The following ZNF385D variants were observed in gnomAD, a reference collection of about 807,000 sequenced individuals.
The protein encoded by ZNF385D is zinc finger protein 385D.
In ZNF385D, 15 loss-of-function variants were observed where a neutral mutation model predicts 35.8. That is an observed-to-expected ratio of 0.42 (90% CI 0.28 to 0.64). ZNF385D has a LOEUF of 0.64. ZNF385D is among the 30% of genes least tolerant of loss of function. The pLI is 0.23. For missense variants in ZNF385D, 474 were observed against 494.6 expected (o/e 0.96, Z 0.39); for synonymous variants, 212 against 186.8 (o/e 1.13, Z -1.10).
chr3:22,130,053 G>A (rs1559392077), intron 3 of ZNF385D, among the ~76,000 whole-genome samples: 1 of 152,110 alleles, frequency 6.6e-6, no homozygotes, highest in Non-Finnish European at 1.5e-5. Flanking sequence ...CCAGAACTGG[G>A]TCCTTCTCTT....
intron 3 of ZNF385D, among the ~76,000 whole-genome samples, chr3:21,793,546 C>T (rs970585306): frequency 5.9e-5 from 9 of 152,146 alleles, no homozygotes; most frequent in Non-Finnish European, 1.2e-4. Context: ...AGGAGCATTT[C>T]CATAGAAAGT....
intron 4 of ZNF385D, among the ~76,000 whole-genome samples, chr3:21,500,894 T>G (rs1032782933): frequency 2.6e-5 from 4 of 152,182 alleles, no homozygotes; most frequent in Admixed American, 2.6e-4. Flanking sequence ...GATATACAAA[T>G]GCAGGCAATT....
At chr3:22,079,584 CTTT>C (rs1341321012) in intron 3 of ZNF385D, among the ~76,000 whole-genome samples, 4 of 151,790 alleles carry the variant, frequency 2.6e-5, no homozygotes, top group African/African-American at 9.7e-5. Context: ...CAGGTCAGAG[CTTT>C]TTTATTATTG....
intron 1 of ZNF385D, among the ~76,000 whole-genome samples, chr3:21,729,570 G>C (rs1465322608): frequency 6.6e-6 from 1 of 152,068 alleles, no homozygotes; most frequent in Admixed American, 6.6e-5. Context: ...ATAAGGTTTG[G>C]GCTCACCCAG....
At chr3:21,831,970 A>T (rs1393625774) in intron 3 of ZNF385D, among the ~76,000 whole-genome samples, 1 of 152,190 alleles carries the variant, frequency 6.6e-6, no homozygotes, top group African/African-American at 2.4e-5. Context: ...AAATATAAAC[A>T]TTTGACATTA....
chr3:21,993,396 G>C (rs904245), intron 3 of ZNF385D, among the ~76,000 whole-genome samples: 149,121 of 152,242 alleles, frequency 0.98, 73,045 homozygotes, highest in East Asian at 1. Context: ...ATTATTGATT[G>C]TCTCTCTCTG....
chr3:21,801,707 C>T (rs74812288), intron 3 of ZNF385D, among the ~76,000 whole-genome samples: 2,903 of 152,216 alleles, frequency 0.019, 89 homozygotes, highest in African/African-American at 0.065. Flanking sequence ...ACTACTGCAG[C>T]CCCTGGGTGC....
intron 2 of ZNF385D, among the ~76,000 whole-genome samples, chr3:22,323,617 T>C (rs921611001): frequency 4.6e-5 from 7 of 152,176 alleles, no homozygotes; most frequent in African/African-American, 1.7e-4. Context: ...CTACACATTG[T>C]TTTATTCTTA....
At chr3:21,813,014 G>C (rs1265060332) in intron 3 of ZNF385D, among the ~76,000 whole-genome samples, 1 of 152,190 alleles carries the variant, frequency 6.6e-6, no homozygotes, top group Admixed American at 6.5e-5. Context: ...GAAGCATCAG[G>C]CAGCAACATT....
chr3:21,876,127 T>C (rs1697951257), intron 3 of ZNF385D, among the ~76,000 whole-genome samples: 1 of 152,076 alleles, frequency 6.6e-6, no homozygotes, highest in Non-Finnish European at 1.5e-5. Flanking sequence ...ATATCAGGAA[T>C]GATATTGTTT....
intron 3 of ZNF385D, among the ~76,000 whole-genome samples, chr3:22,057,530 GAC>G (rs1213452516): frequency 6.4e-5 from 9 of 140,552 alleles, no homozygotes; most frequent in African/African-American, 1.8e-4. Flanking sequence ...TTTTTTTTGA[GAC>G]AGAGTCTCAC....
intron 2 of ZNF385D, among the ~76,000 whole-genome samples, chr3:22,267,113 A>G (rs1011167555): frequency 4.6e-5 from 7 of 151,938 alleles, no homozygotes; most frequent in Admixed American, 2.0e-4. Flanking sequence ...TACGTCATGA[A>G]CTAAGCTAAC....
chr3:21,874,964 A>G (rs1389403724), intron 3 of ZNF385D, among the ~76,000 whole-genome samples: 3 of 149,468 alleles, frequency 2.0e-5, no homozygotes, highest in Non-Finnish European at 4.5e-5. Flanking sequence ...AAGTTTATTC[A>G]TAAGTATTTT....
rs1029563152 is a variant in ZNF385D at position 21,820,728 on chromosome 3, A to G, written c.326-155700T>C. 4.6e-5 allele frequency among the ~76,000 whole-genome samples: 7 copies of G among 151,880 alleles called. 2 individuals carry two copies. In the South Asian group the frequency reaches 1.2e-3, roughly 27 times the overall value. On this transcript the variant is annotated intron_variant, in intron 3 of 5. Coordinates refer to the ZNF385D transcript ENST00000494108. ...TATAAATAAGTAATTTCAGGAATGA[A>G]TAAAAAAGGGATATAATTATAGCTT...
intron 1 of ZNF385D, among the ~76,000 whole-genome samples, chr3:21,727,596 C>A (rs1422599918): frequency 6.6e-6 from 1 of 152,112 alleles, no homozygotes; most frequent in Non-Finnish European, 1.5e-5. Context: ...TAGAGAAATG[C>A]AAATCAAAAC....
At chr3:22,153,498 C>T (rs1038699159) in intron 3 of ZNF385D, among the ~76,000 whole-genome samples, 3 of 137,464 alleles carry the variant, frequency 2.2e-5, no homozygotes, top group Non-Finnish European at 4.6e-5. Flanking sequence ...CAGAGTCTCT[C>T]TGTCACCCAG....
intron 3 of ZNF385D, among the ~76,000 whole-genome samples, chr3:22,119,433 T>TG (rs1231292505): frequency 2.0e-5 from 3 of 152,132 alleles, no homozygotes; most frequent in Non-Finnish European, 4.4e-5. Context: ...CATAATTTGT[T>TG]GGGGGGAATA....
chr3:21,967,762 T>C (rs151184205), intron 3 of ZNF385D, among the ~76,000 whole-genome samples: 1 of 152,308 alleles, frequency 6.6e-6, no homozygotes, highest in African/African-American at 2.4e-5. Context: ...GTGACCAAAA[T>C]TCCAATGGCA....
intron 3 of ZNF385D, among the ~76,000 whole-genome samples, chr3:22,027,989 A>C (rs569540410): frequency 6.6e-6 from 1 of 152,158 alleles, no homozygotes. Flanking sequence ...AAATCTTCCC[A>C]GTGGGCAGAA....
Sources: allele counts gnomAD v4.1 joint callset (sites outside exome capture counted in the v4.1 genomes callset), GRCh38; gene constraint gnomAD v4.1.1; transcripts MANE v1.5; gene names NCBI Gene and HGNC (gene_info 2026-07-23, HGNC 2026-07-21).